Variants in ADGRL3 observed in about 807,000 individuals in gnomAD.
ADGRL3 encodes the protein calcium-independent alpha-latrotoxin receptor 3.
In ADGRL3, 62 loss-of-function variants were observed where a neutral mutation model predicts 153.5. The ratio of observed to expected loss-of-function variants is 0.40; its 90% CI spans 0.33 to 0.50. The LOEUF is 0.50. Ranked by LOEUF, ADGRL3 falls within the 20% of genes least tolerant of loss-of-function variation. ADGRL3 has a pLI of 0.47. For synonymous variants in ADGRL3, 710 were observed against 672.5 expected, an observed-to-expected ratio of 1.06 and a Z score of -0.86; for missense variants, 1,641 against 1,859.4, an observed-to-expected ratio of 0.88 and a Z score of 2.16.
chr4:61,567,035 T>C (rs2098819221), intron 4 of ADGRL3, among the ~76,000 whole-genome samples: 3 of 152,142 alleles, frequency 2.0e-5, no homozygotes, highest in African/African-American at 7.2e-5. Context: ...AGGGAAAGGA[T>C]TTGCCAAATG....
In ADGRL3 at chr4:61,863,462, C is replaced by T. The variant is rs544715760; in HGVS notation, c.1481-29194C>T. ...CCGTTTTAGCCGGGATGGTCTCGAT[C>T]TCCTGACCTCGTGATCCGCCCGCCT... On this transcript the variant is annotated intron_variant, in intron 9 of 26. Coordinates refer to ENST00000683033, the MANE Select transcript of ADGRL3 (RefSeq NM_001387552.1). Among the ~76,000 whole-genome samples the T allele has an allele frequency of 7.9e-5, 12 of 151,926 alleles. 1 individual carries two copies. In the South Asian group the frequency reaches 1.5e-3, roughly 18 times the overall value.
intron 5 of ADGRL3, among the ~76,000 whole-genome samples, chr4:61,600,991 T>C (rs2099009326): frequency 6.6e-6 from 1 of 152,040 alleles, no homozygotes; most frequent in Admixed American, 6.5e-5. Flanking sequence ...TTTTAGAAAT[T>C]GGGGGCATTT....
At chr4:61,862,923 TTTAAATCAGACTAAA>T (rs1339321058) in intron 9 of ADGRL3, among the ~76,000 whole-genome samples, 1 of 152,086 alleles carries the variant, frequency 6.6e-6, no homozygotes, top group African/African-American at 2.4e-5. Flanking sequence ...GGGAGCTTAT[TTTAAATCAGACTAAA>T]TTCAGCTTCC....
chr4:61,979,596 G>C lies in ADGRL3; in HGVS notation c.2839G>C (p.Val947Leu), dbSNP rs2099060453. ...TGCGGTCCATGACCTCCTTCTGGAT[G>C]TGATCACGTGGGTTGGAATTTTGCT... Reference protein sequence around the residue: ...SDAVHDLLLDVITWVGILLSL... With the variant: ...SDAVHDLLLDLITWVGILLSL... Residue 947 changes from valine to leucine, a missense_variant, in exon 18 of 27, where the codon GTG becomes CTG. By Grantham distance (32) the Val-to-Leu change is conservative. Coordinates refer to ENST00000683033, the MANE Select transcript of ADGRL3 (RefSeq NM_001387552.1). 3 of 1,613,750 alleles carry C rather than the reference G, an allele frequency of 1.9e-6. No individual in the cohort carries two copies. Among genetic ancestry groups the C allele is most frequent in the Non-Finnish European group, 2.5e-6 (3 of 1,179,870 alleles).
chr4:61,510,530 G>A (rs933375739), intron 3 of ADGRL3, among the ~76,000 whole-genome samples: 4 of 152,096 alleles, frequency 2.6e-5, no homozygotes, highest in African/African-American at 7.2e-5. Context: ...TTTCCCCATT[G>A]CATATTTTTT....
At chr4:61,483,457 G>T (rs1045435392) in intron 2 of ADGRL3, among the ~76,000 whole-genome samples, 2 of 152,088 alleles carry the variant, frequency 1.3e-5, no homozygotes, top group Admixed American at 6.6e-5. Context: ...AAAATTAAAG[G>T]CCTGGCGCAG....
In ADGRL3 at chr4:61,733,342, A is replaced by G; in HGVS notation, c.1187A>G (p.Glu396Gly). The change falls in exon 8 of 27, where the codon GAG becomes GGG. Residue 396 changes from glutamate (E) to glycine (G), a missense_variant. Glu to Gly is a moderately conservative substitution (Grantham distance 98). Around this residue, in one of 5 missense-constraint regions of ADGRL3, gnomAD observed 734 missense variants for 797.0 expected, o/e 0.92. Transcript: ENST00000683033. ...GILYVVKSVY[E>G]DDDNEATGNK... ...CTGTATGTGGTCAAATCTGTATATG[A>G]GGATGATGACAATGAGGCTACTGGA... 6.2e-7 allele frequency: 1 copy of G among 1,613,758 alleles called. No individual in the cohort carries two copies. The highest frequency in any genetic ancestry group is 8.5e-7 in the Non-Finnish European group (1 of 1,179,822).
At chr4:61,978,508 C>T (rs773815966) in intron 17 of ADGRL3, among the ~76,000 whole-genome samples, 1 of 152,076 alleles carries the variant, frequency 6.6e-6, no homozygotes, top group Admixed American at 6.6e-5. Flanking sequence ...TTCAAAAAAC[C>T]TTGAAGGAAA....
At chr4:61,219,937 G>A (rs1031985182) in intron 1 of ADGRL3, among the ~76,000 whole-genome samples, 9 of 151,816 alleles carry the variant, frequency 5.9e-5, no homozygotes, top group Non-Finnish European at 1.0e-4. Context: ...GTGAAACCCC[G>A]CCTCTACTAA....
At chr4:61,371,027 G>C (rs1023665116) in intron 1 of ADGRL3, among the ~76,000 whole-genome samples, 6 of 151,440 alleles carry the variant, frequency 4.0e-5, no homozygotes, top group Admixed American at 2.6e-4. Flanking sequence ...TTTAAAATCT[G>C]TTTTATCAGA....
intron 5 of ADGRL3, among the ~76,000 whole-genome samples, chr4:61,641,270 T>G (rs1333376491): frequency 1.3e-5 from 2 of 151,566 alleles, no homozygotes; most frequent in Admixed American, 1.3e-4. Flanking sequence ...AAATCCTATT[T>G]TTTTTTCGTT....
intron 11 of ADGRL3, among the ~76,000 whole-genome samples, chr4:61,902,219 A>C (rs550577564): frequency 6.6e-6 from 1 of 152,274 alleles, no homozygotes; most frequent in East Asian, 1.9e-4. Flanking sequence ...GGGAGAAATC[A>C]GTTAATGGTA....
intron 21 of ADGRL3, among the ~76,000 whole-genome samples, chr4:62,008,414 A>G (rs1412740154): frequency 6.6e-6 from 1 of 152,146 alleles, no homozygotes; most frequent in Non-Finnish European, 1.5e-5. Context: ...CTGATCTTAT[A>G]TAAGAAGGAC....
chr4:61,554,376 A>G (rs148133149), intron 4 of ADGRL3, among the ~76,000 whole-genome samples: 2,759 of 151,898 alleles, frequency 0.018, 79 homozygotes, highest in African/African-American at 0.063. Context: ...TTGTATTTTT[A>G]GTAGATACGG....
intron 8 of ADGRL3, among the ~76,000 whole-genome samples, chr4:61,810,682 C>T (rs893040652): frequency 6.6e-6 from 1 of 152,106 alleles, no homozygotes; most frequent in Non-Finnish European, 1.5e-5. Context: ...ATTTTTGCTA[C>T]AGCACTGGGC....
intron 1 of ADGRL3, among the ~76,000 whole-genome samples, chr4:61,339,319 A>G (rs2095754173): frequency 6.6e-6 from 1 of 152,206 alleles, no homozygotes; most frequent in Admixed American, 6.5e-5. Context: ...ACGAGCACAT[A>G]CAATCTGCAA....
chr4:61,915,068 G>A (rs1255099639), intron 13 of ADGRL3, among the ~76,000 whole-genome samples: 1 of 151,878 alleles, frequency 6.6e-6, no homozygotes, highest in Non-Finnish European at 1.5e-5. Context: ...GGCATTTTGT[G>A]AAAATATTAT....
chr4:61,252,347 G>A (rs1280705241), intron 1 of ADGRL3, among the ~76,000 whole-genome samples: 1 of 152,074 alleles, frequency 6.6e-6, no homozygotes, highest in South Asian at 2.1e-4. Flanking sequence ...AACTCAGTAT[G>A]TTATTTACTA....
intron 1 of ADGRL3, among the ~76,000 whole-genome samples, chr4:61,372,443 C>T (rs1469921667): frequency 6.6e-6 from 1 of 152,082 alleles, no homozygotes; most frequent in Non-Finnish European, 1.5e-5. Context: ...AGTTTTCCTT[C>T]TAACAGACAG....
Sources: gnomAD v4.1 joint callset for allele counts (sites outside exome capture counted in the v4.1 genomes callset) on GRCh38, gnomAD v4.1.1 for gene constraint, gnomAD v4.1.1 regional missense constraint, MANE v1.5 for transcripts, NCBI Gene and HGNC (gene_info 2026-07-23, HGNC 2026-07-21) for gene names.